Variants in ZNF804B observed in about 807,000 individuals in gnomAD.
The protein encoded by ZNF804B is zinc finger 804B.
Under a neutral mutation model 101.4 loss-of-function variants are expected in ZNF804B, and 80 were observed. The ratio of observed to expected loss-of-function variants is 0.79; its 90% CI spans 0.66 to 0.95. The LOEUF is 0.95. ZNF804B is among the 40% of genes least tolerant of loss of function. The pLI, the probability that ZNF804B is intolerant of heterozygous loss-of-function variation, is 0.00. For synonymous variants in ZNF804B, 622 were observed against 558.8 expected, an observed-to-expected ratio of 1.11 and a Z score of -1.59; for missense variants, 1,673 against 1,561.9, an observed-to-expected ratio of 1.07 and a Z score of -1.20.
At chr7:88,967,575 C>T (rs991324819) in intron 1 of ZNF804B, among the ~76,000 whole-genome samples, 2 of 149,368 alleles carry the variant, frequency 1.3e-5, no homozygotes, top group African/African-American at 4.9e-5. Context: ...ATTTAAATTG[C>T]AAAGGTAACC....
intron 1 of ZNF804B, among the ~76,000 whole-genome samples, chr7:88,992,992 T>C (rs1793867653): frequency 6.6e-6 from 1 of 151,938 alleles, no homozygotes; most frequent in Non-Finnish European, 1.5e-5. Context: ...TGTATTTAAT[T>C]ATGAGTGATA....
rs748884149 is a variant in ZNF804B at position 89,337,797 on chromosome 7, G to A, written c.*765G>A. ...GATAATGCAAACTCAAAAATAAAAC[G>A]TGCTCAGAATAACCTTTTAAATATA... On this transcript the variant is annotated 3_prime_UTR_variant, in exon 4 of 4. Transcript: ENST00000333190. Among the ~76,000 whole-genome samples the A allele has an allele frequency of 2.0e-5, 3 of 151,816 alleles. No individual in the cohort carries two copies. Among genetic ancestry groups the A allele is most frequent in the South Asian group, 2.1e-4 (1 of 4,830 alleles).
intron 1 of ZNF804B, among the ~76,000 whole-genome samples, chr7:89,131,240 A>C (rs1000485741): frequency 1.3e-5 from 2 of 152,094 alleles, no homozygotes; most frequent in Non-Finnish European, 2.9e-5. Flanking sequence ...TTTAAAAGAT[A>C]ATCAAAATAT....
intron 1 of ZNF804B, among the ~76,000 whole-genome samples, chr7:88,998,458 G>C (rs1248994923): frequency 3.9e-5 from 6 of 152,064 alleles, no homozygotes; most frequent in Non-Finnish European, 5.9e-5. Flanking sequence ...GATTGGGAGA[G>C]CAGAGAAGTG....
chr7:88,802,486 C>T (rs1790607323), intron 1 of ZNF804B, among the ~76,000 whole-genome samples: 1 of 151,910 alleles, frequency 6.6e-6, no homozygotes, highest in Non-Finnish European at 1.5e-5. Flanking sequence ...AGTAAAGTTT[C>T]CCCCTATCTC....
chr7:89,134,621 C>T (rs1202683434), intron 1 of ZNF804B, among the ~76,000 whole-genome samples: 2 of 152,054 alleles, frequency 1.3e-5, no homozygotes, highest in African/African-American at 4.8e-5. Context: ...GTTCCTGCTT[C>T]CCCAATTTCC....
intron 1 of ZNF804B, among the ~76,000 whole-genome samples, chr7:88,802,483 T>G (rs1173442464): frequency 2.0e-4 from 30 of 152,022 alleles, no homozygotes; most frequent in Admixed American, 1.9e-3. Flanking sequence ...TGTAGTAAAG[T>G]TTCCCCCTAT....
At chr7:89,039,212 A>G (rs1394735342) in intron 1 of ZNF804B, among the ~76,000 whole-genome samples, 1 of 151,994 alleles carries the variant, frequency 6.6e-6, no homozygotes, top group Non-Finnish European at 1.5e-5. Flanking sequence ...GAAAAATGCC[A>G]TTACAATTTT....
At chr7:88,887,883 T>G (rs1047646953) in intron 1 of ZNF804B, among the ~76,000 whole-genome samples, 1 of 152,142 alleles carries the variant, frequency 6.6e-6, no homozygotes, top group South Asian at 2.1e-4. Flanking sequence ...TACATTTGCT[T>G]ATATATGTAT....
intron 1 of ZNF804B, among the ~76,000 whole-genome samples, chr7:89,072,571 C>T (rs1562876776): frequency 6.6e-6 from 1 of 152,050 alleles, no homozygotes; most frequent in Non-Finnish European, 1.5e-5. Flanking sequence ...ATCATGTACT[C>T]TCTTTTGGAG....
At chr7:88,768,744 A>G (rs548611408) in intron 1 of ZNF804B, among the ~76,000 whole-genome samples, 4 of 152,208 alleles carry the variant, frequency 2.6e-5, no homozygotes, top group African/African-American at 7.2e-5. Flanking sequence ...AAACTTACAA[A>G]TACTGATTTT....
intron 1 of ZNF804B, among the ~76,000 whole-genome samples, chr7:88,901,417 T>C (rs1332316577): frequency 1.1e-4 from 16 of 152,044 alleles, no homozygotes; most frequent in Non-Finnish European, 1.5e-5. Flanking sequence ...TTAGGATGAG[T>C]GTTTATTTCT....
intron 1 of ZNF804B, among the ~76,000 whole-genome samples, chr7:89,198,913 A>G (rs1411406713): frequency 1.3e-5 from 2 of 151,980 alleles, no homozygotes; most frequent in Non-Finnish European, 2.9e-5. Context: ...TAATGCAAAG[A>G]ACATTATTTC....
chr7:89,313,504 A>G (rs1052432984), intron 2 of ZNF804B, among the ~76,000 whole-genome samples: 1 of 152,200 alleles, frequency 6.6e-6, no homozygotes, highest in Non-Finnish European at 1.5e-5. Flanking sequence ...ACTGGTAAGC[A>G]ATGATATTGA....
At chr7:89,053,195 C>T (rs536710749) in intron 1 of ZNF804B, among the ~76,000 whole-genome samples, 7 of 152,160 alleles carry the variant, frequency 4.6e-5, no homozygotes, top group Admixed American at 3.9e-4. Flanking sequence ...GCTGGTCTGT[C>T]GAATGAATAA....
chr7:89,130,970 A>G (rs10235087), intron 1 of ZNF804B, among the ~76,000 whole-genome samples: 147,225 of 152,074 alleles, frequency 0.97, 71,290 homozygotes, highest in East Asian at 1. Context: ...GTAAAACTGG[A>G]ATATAGCTTA....
At chr7:88,881,157 CTATAGGTTATTTATAAAAA>C (rs1792023397) in intron 1 of ZNF804B, among the ~76,000 whole-genome samples, 1 of 151,874 alleles carries the variant, frequency 6.6e-6, no homozygotes, top group Non-Finnish European at 1.5e-5. Flanking sequence ...TCTTAATGGA[CTATAGGTTATTTATAAAAA>C]TAAATGAATG....
intron 2 of ZNF804B, among the ~76,000 whole-genome samples, chr7:89,316,723 T>A (rs1790731173): frequency 6.6e-6 from 1 of 152,144 alleles, no homozygotes; most frequent in Non-Finnish European, 1.5e-5. Flanking sequence ...ATGGACTAGT[T>A]GAGAAGAAAT....
intron 1 of ZNF804B, among the ~76,000 whole-genome samples, chr7:89,162,933 T>C (rs1184665722): frequency 6.9e-6 from 1 of 143,992 alleles, no homozygotes; most frequent in Non-Finnish European, 1.5e-5. Flanking sequence ...GTTCGGTTTT[T>C]TGTTCTTCCG....
Sources: allele counts gnomAD v4.1 joint callset (sites outside exome capture counted in the v4.1 genomes callset), GRCh38; gene constraint gnomAD v4.1.1; transcripts MANE v1.5; gene names NCBI Gene and HGNC (gene_info 2026-07-23, HGNC 2026-07-21).